Variants in NCAM1 observed in about 807,000 individuals in gnomAD.
The protein encoded by NCAM1 is neural cell adhesion molecule 1, also known as antigen recognized by monoclonal antibody 5.1H11.
Under a neutral mutation model 109.8 loss-of-function variants are expected in NCAM1, and 14 were observed. The observed-to-expected ratio is 0.13, with a 90% CI of 0.08 to 0.20. NCAM1 has a LOEUF of 0.20. NCAM1 is among the 10% of genes least tolerant of loss of function. NCAM1 has a pLI of 1.00. For synonymous variants in NCAM1, 418 were observed against 442.9 expected (o/e 0.94, Z 0.70); for missense variants, 774 against 1,109.9 (o/e 0.70, Z 4.30).
chr11:113,220,122 A>G (rs1226109951), intron 8 of NCAM1, among the ~76,000 whole-genome samples: 4 of 152,224 alleles, frequency 2.6e-5, no homozygotes, highest in African/African-American at 9.6e-5. Flanking sequence ...CAATGCAGCT[A>G]TCATGTCTTT....
chr11:113,011,964 T>TTTCCTTCCTTCCTTCCTTCCTTCCTTCC (rs200929273), intron 1 of NCAM1, among the ~76,000 whole-genome samples: 27 of 114,056 alleles, frequency 2.4e-4, no homozygotes, highest in African/African-American at 5.6e-4. Flanking sequence ...CCTTCTCTCC[T>TTTCCTTCCTTCCTTCCTTCCTTCCTTCC]TTCCTTCCTT....
At chr11:113,165,390 A>C (rs1942755787) in intron 1 of NCAM1, among the ~76,000 whole-genome samples, 2 of 152,134 alleles carry the variant, frequency 1.3e-5, no homozygotes, top group Admixed American at 6.5e-5. Context: ...CTGGGCTCCG[A>C]GTAGACTCAC....
At chr11:112,965,951 G>C (rs571805913) in intron 1 of NCAM1, among the ~76,000 whole-genome samples, 2 of 152,238 alleles carry the variant, frequency 1.3e-5, no homozygotes, top group Non-Finnish European at 2.9e-5. Flanking sequence ...GTCAGTCTGC[G>C]GGAAGAATCA....
At chr11:113,079,787 CCTGA>C (rs1346640444) in intron 1 of NCAM1, among the ~76,000 whole-genome samples, 8 of 152,158 alleles carry the variant, frequency 5.3e-5, no homozygotes, top group African/African-American at 1.7e-4. Context: ...AAAACACTGC[CCTGA>C]CTGTTTTCCT....
At chr11:113,221,566 C>A in intron 9 of NCAM1, 1 of 446,352 alleles carries the variant, frequency 2.2e-6, no homozygotes, top group Non-Finnish European at 4.0e-6. Context: ...CTTGCTGGTG[C>A]TGGTAAAATC....
intron 1 of NCAM1, among the ~76,000 whole-genome samples, chr11:113,051,685 ATAT>A (rs1288270622): frequency 6.6e-6 from 1 of 152,164 alleles, no homozygotes; most frequent in Admixed American, 6.5e-5. Context: ...GTGTCATCAT[ATAT>A]TTTCTACTGT....
intron 1 of NCAM1, among the ~76,000 whole-genome samples, chr11:112,984,903 T>A (rs771369717): frequency 7.4e-4 from 113 of 152,024 alleles, no homozygotes; most frequent in Non-Finnish European, 1.0e-3. Context: ...TTTAGTTTGA[T>A]GTAGTCCCAC....
chr11:113,117,373 G>A (rs986666864), intron 1 of NCAM1, among the ~76,000 whole-genome samples: 24 of 151,924 alleles, frequency 1.6e-4, no homozygotes, highest in Non-Finnish European at 5.9e-5. Context: ...TTACACTGTT[G>A]TTAGTGAACA....
intron 1 of NCAM1, among the ~76,000 whole-genome samples, chr11:113,077,407 C>T (rs1938576490): frequency 6.6e-6 from 1 of 152,218 alleles, no homozygotes; most frequent in African/African-American, 2.4e-5. Flanking sequence ...CCTAGGCACA[C>T]TGCAAGTGTT....
chr11:113,260,402 A>G lies in NCAM1; in HGVS notation c.2131+79A>G, dbSNP rs1945956948. ...CTGCACCTCCTAATGCGCCTGAACA[A>G]CCCTGACAACTTGCTTGCTTACAGC... On this transcript the variant is annotated intron_variant, in intron 17 of 19. Coordinates refer to ENST00000316851, the MANE Select transcript of NCAM1 (RefSeq NM_181351.5). The G allele has an allele frequency of 4.1e-6, 6 of 1,446,238 alleles. No homozygotes were observed. In the East Asian group the frequency reaches 9.2e-5, roughly 22 times the overall value. The allele number at this position is 1,446,238 out of a possible 1,614,324, so 89.6% of individuals were successfully genotyped here.
intron 1 of NCAM1, among the ~76,000 whole-genome samples, chr11:112,999,488 G>GT (rs1339366468): frequency 6.6e-6 from 1 of 151,198 alleles, no homozygotes; most frequent in Non-Finnish European, 1.5e-5. Flanking sequence ...TTCTTTTTTT[G>GT]TTTTTTAGCT....
At chr11:113,038,197 C>T (rs1329189632) in intron 1 of NCAM1, among the ~76,000 whole-genome samples, 3 of 152,192 alleles carry the variant, frequency 2.0e-5, no homozygotes, top group African/African-American at 7.2e-5. Context: ...ACATGTTGTT[C>T]GAATTATCGC....
chr11:112,999,321 T>A (rs1951683072), intron 1 of NCAM1, among the ~76,000 whole-genome samples: 1 of 152,222 alleles, frequency 6.6e-6, no homozygotes, highest in African/African-American at 2.4e-5. Flanking sequence ...TGGCTCATCT[T>A]GGTAATTTAT....
rs142870655 is a variant in NCAM1, at chr11:113,173,121, T to C, written c.53-29258T>C. Among the ~76,000 whole-genome samples, 322 of 152,304 alleles carry C rather than the reference T, an allele frequency of 2.1e-3. 1 individual carries two copies. The highest frequency in any genetic ancestry group is 7.4e-3 in the African/African-American group (308 of 41,566). On this transcript the variant is annotated intron_variant, in intron 1 of 19. Transcript: ENST00000316851. ...CCTCCCTACACAATGCCTGCACAAC[T>C]GCCGTGGGGCTGAGAAAGAATCCCT...
intron 9 of NCAM1, among the ~76,000 whole-genome samples, chr11:113,229,507 T>C (rs1286922635): frequency 1.3e-5 from 2 of 152,186 alleles, no homozygotes; most frequent in Non-Finnish European, 2.9e-5. Flanking sequence ...AGTTCAACCA[T>C]TGTGGAAGTC....
chr11:113,048,512 C>T (rs1287327499), intron 1 of NCAM1, among the ~76,000 whole-genome samples: 4 of 152,224 alleles, frequency 2.6e-5, no homozygotes, highest in Non-Finnish European at 5.9e-5. Flanking sequence ...TGTCAGCTCA[C>T]ATTTTGTTGG....
intron 1 of NCAM1, among the ~76,000 whole-genome samples, chr11:113,023,203 C>T (rs961292963): frequency 6.6e-5 from 10 of 152,218 alleles, no homozygotes; most frequent in African/African-American, 2.4e-4. Flanking sequence ...TTATCTTTCT[C>T]ACCATGGAGA....
intron 1 of NCAM1, among the ~76,000 whole-genome samples, chr11:113,126,149 C>T (rs1488917184): frequency 3.8e-5 from 3 of 78,264 alleles, no homozygotes; most frequent in Non-Finnish European, 9.2e-5. Flanking sequence ...GAGTGATACC[C>T]TTTCTCAAAA....
At chr11:112,984,739 T>C (rs1232467050) in intron 1 of NCAM1, among the ~76,000 whole-genome samples, 1 of 151,930 alleles carries the variant, frequency 6.6e-6, no homozygotes, top group African/African-American at 2.4e-5. Context: ...ATTTTTAAAT[T>C]GGTTTATTCA....
Sources: gnomAD v4.1 joint callset for allele counts (sites outside exome capture counted in the v4.1 genomes callset) on GRCh38, gnomAD v4.1.1 for gene constraint, MANE v1.5 for transcripts, NCBI Gene and HGNC (gene_info 2026-07-23, HGNC 2026-07-21) for gene names.